The following PCDHA6 variants were observed in gnomAD, a reference collection of about 807,000 sequenced individuals.
The protein encoded by PCDHA6 is protocadherin alpha 6.
A neutral mutation model predicts 60.3 loss-of-function variants in PCDHA6; 55 were observed. The observed-to-expected ratio is 0.91, with a 90% CI of 0.73 to 1.14. The LOEUF (loss-of-function observed/expected upper bound fraction) is 1.14. PCDHA6 is among the 50% of genes most tolerant of loss of function. The pLI is 0.00. For synonymous variants in PCDHA6, 652 were observed against 557.9 expected, an observed-to-expected ratio of 1.17 and a Z score of -2.38; for missense variants, 1,327 against 1,256.5, an observed-to-expected ratio of 1.06 and a Z score of -0.85.
At chr5:140,877,696 T>C (rs1554169994) in intron 1 of PCDHA6, 1 of 1,613,838 alleles carries the variant, frequency 6.2e-7, no homozygotes, top group South Asian at 1.1e-5. Flanking sequence ...GCTGGTGTGC[T>C]CCAGCGCCGT....
intron 1 of PCDHA6, chr5:140,967,224 A>G (rs2096116008): frequency 6.2e-7 from 1 of 1,613,708 alleles, no homozygotes; most frequent in Non-Finnish European, 8.5e-7. Flanking sequence ...CGGCCCAACT[A>G]CCAGCTTCAG....
intron 1 of PCDHA6, among the ~76,000 whole-genome samples, chr5:140,886,261 T>C (rs1162814294): frequency 1.3e-5 from 2 of 152,036 alleles, no homozygotes; most frequent in African/African-American, 4.8e-5. Context: ...TCTCTATTTA[T>C]AGATAAAATT....
rs138948867 is a variant in PCDHA6, at chr5:140,849,674, C to A, written c.2394+19189C>A. 2.5e-6 allele frequency: 4 copies of A among 1,598,602 alleles called. 1 individual carries two copies. Among genetic ancestry groups the A allele is most frequent in the Non-Finnish European group, 3.4e-6 (4 of 1,168,020 alleles). ...TTACCTGCTCCCTGACGCCCCACGT[C>A]CCCTTCAAGCTGGTGTCCACCTACA... On this transcript the variant is annotated intron_variant, in intron 1 of 3. Coordinates refer to ENST00000529310, the MANE Select transcript of PCDHA6 (RefSeq NM_018909.4).
intron 1 of PCDHA6, chr5:140,853,614 A>G (rs1477333407): frequency 1.0e-6 from 1 of 988,026 alleles, no homozygotes; most frequent in Non-Finnish European, 1.2e-6. Flanking sequence ...GGGTGCTGTA[A>G]ATAAGTATAC....
chr5:140,836,538 A>G, intron 1 of PCDHA6: 1 of 1,613,734 alleles, frequency 6.2e-7, no homozygotes, highest in Non-Finnish European at 8.5e-7. Flanking sequence ...GCTGCTGTAC[A>G]CGGCGTTGCG....
At chr5:140,884,688 C>T in intron 1 of PCDHA6, 1 of 1,535,868 alleles carries the variant, frequency 6.5e-7, no homozygotes, top group Non-Finnish European at 8.8e-7. Context: ...AAAAAATTGT[C>T]TTAGTAAACA....
chr5:140,850,234 T>A lies in PCDHA6; in HGVS notation c.2394+19749T>A, dbSNP rs2150474836. The A allele has an allele frequency of 8.5e-5, 136 of 1,593,694 alleles. 18 individuals carry two copies. Among genetic ancestry groups the A allele is most frequent in the Non-Finnish European group, 1.1e-4 (134 of 1,167,462 alleles). Reference sequence around the variant, plus strand: ...GGCACTGACGGCGCAGTGAGCGAGATGGTGCTGCGGTCGGTGGGCGCCGGC... The same window carrying A: ...GGCACTGACGGCGCAGTGAGCGAGAAGGTGCTGCGGTCGGTGGGCGCCGGC... On this transcript the variant is annotated intron_variant, in intron 1 of 3. Coordinates refer to ENST00000529310, the MANE Select transcript of PCDHA6 (RefSeq NM_018909.4).
chr5:140,886,828 A>G (rs74967108), intron 1 of PCDHA6, among the ~76,000 whole-genome samples: 4 of 133,052 alleles, frequency 3.0e-5, no homozygotes, highest in Non-Finnish European at 6.5e-5. Flanking sequence ...CTTCGTCTTG[A>G]AAAAAAAAAA....
intron 1 of PCDHA6, among the ~76,000 whole-genome samples, chr5:140,955,031 A>C (rs782110698): frequency 6.6e-6 from 1 of 152,166 alleles, no homozygotes; most frequent in Non-Finnish European, 1.5e-5. Flanking sequence ...TAAATAGGGA[A>C]TCTTTTCCTC....
chr5:141,000,972 CT>C (rs2097980392), intron 3 of PCDHA6, among the ~76,000 whole-genome samples: 1 of 151,780 alleles, frequency 6.6e-6, no homozygotes, highest in Non-Finnish European at 1.5e-5. Context: ...CTTCATATTC[CT>C]TTTTTATAAA....
At chr5:140,944,197 T>C (rs1404957342) in intron 1 of PCDHA6, among the ~76,000 whole-genome samples, 2 of 152,120 alleles carry the variant, frequency 1.3e-5, no homozygotes, top group Non-Finnish European at 2.9e-5. Context: ...TTTTGTTTTG[T>C]TTTGTTTTTA....
intron 1 of PCDHA6, among the ~76,000 whole-genome samples, chr5:140,971,869 A>G (rs1277835883): frequency 1.3e-5 from 2 of 152,182 alleles, no homozygotes; most frequent in Non-Finnish European, 2.9e-5. Flanking sequence ...AACATCTAGC[A>G]TATGAGGAAA....
In PCDHA6 at chr5:140,976,256, AAC is replaced by A. The variant is rs372931931; in HGVS notation, c.2395-2689_2395-2688del. On this transcript the variant is annotated intron_variant, in intron 1 of 3. Transcript: ENST00000529310. Reference sequence around the variant, plus strand: ...TGTCATTTCATGTAAATTTATTTAAAACACAGACTTTTGGCAAGGCACAGTGG... The same window carrying A: ...TGTCATTTCATGTAAATTTATTTAAAACAGACTTTTGGCAAGGCACAGTGG... Among the ~76,000 whole-genome samples the A allele has an allele frequency of 3.2e-3, 487 of 152,352 alleles. 7 individuals carry two copies. Among genetic ancestry groups the A allele is most frequent in the Middle Eastern group, 0.01 (3 of 294 alleles).
chr5:140,843,633 C>T (rs1554140304), intron 1 of PCDHA6: 1 of 1,595,708 alleles, frequency 6.3e-7, no homozygotes, highest in Admixed American at 1.7e-5. Context: ...GACCTCATGG[C>T]CTTCAGCCCC....
chr5:140,941,310 C>T (rs1375547519), intron 1 of PCDHA6, among the ~76,000 whole-genome samples: 10 of 79,218 alleles, frequency 1.3e-4, no homozygotes, highest in Non-Finnish European at 1.8e-4. Flanking sequence ...CTTTCTTTTT[C>T]TTCTTTCTCT....
In PCDHA6 at chr5:140,941,202, C is replaced by CCCTTCTTTCTTTCTTTCTTT; in HGVS notation, c.2395-37746_2395-37745insCTTCTTTCTTTCTTTCTTTC. Among the ~76,000 whole-genome samples, 3 of 122,832 alleles carry CCCTTCTTTCTTTCTTTCTTT rather than the reference C, an allele frequency of 2.4e-5. No homozygotes were observed. The East Asian group carries it at 6.6e-4, about 27-fold the overall frequency. The allele number at this position is 122,832 out of a possible 152,430, so 80.6% of individuals were successfully genotyped here. A position where few individuals can be genotyped will look rare whatever the true frequency, so the allele number is the denominator to read the frequency against. On this transcript the variant is annotated intron_variant, in intron 1 of 3. Transcript: ENST00000529310. ...TCCTGCTTCTTTTTTTTTCTTTCTT[C>CCCTTCTTTCTTTCTTTCTTT]CTTTCTTTCTTCCTTTCTTTCTTTC...
At position 140,829,756 on chromosome 5, in the gene PCDHA6, G is replaced by T. The variant is rs1251312679; in HGVS notation, c.1665G>T (p.Val555=). The T allele has an allele frequency of 1.9e-5, 31 of 1,613,620 alleles. No individual in the cohort carries two copies. The highest frequency in any genetic ancestry group is 2.5e-5 in the Non-Finnish European group (29 of 1,179,884). Residue 555 remains valine, a synonymous_variant, in exon 1 of 4, where the codon GTG becomes GTT. Transcript: ENST00000529310. ...GCAACGTGACGCTGCAGGTGTTCGT[G>T]CTGGACGAGAACGACAACGCGCCGG... The part of the protein sequence containing the change: ...LGSNVTLQVF[V]LDENDNAPAL...
At chr5:140,994,081 G>A (rs147535219) in intron 3 of PCDHA6, among the ~76,000 whole-genome samples, 2 of 152,260 alleles carry the variant, frequency 1.3e-5, no homozygotes, top group Admixed American at 6.5e-5. Flanking sequence ...AGGGAGAAAT[G>A]TAAAGAAATA....
rs1202815393 is a variant in PCDHA6, at chr5:140,829,373, C to T, written c.1282C>T (p.Arg428Trp). ...GGCCTATGAGTTGGTGGTAACCGCG[C>T]GGGACGGGGGCTCGCCTTCGCTGTG... ...VSAYELVVTA[R>W]DGGSPSLWAT... Residue 428 changes from arginine (R) to tryptophan (W), a missense_variant, in exon 1 of 4, where the codon CGG becomes TGG. Arg to Trp is a moderately radical substitution (Grantham distance 101, BLOSUM62 -3). Transcript: ENST00000529310. 1.9e-6 allele frequency: 3 copies of T among 1,614,082 alleles called. No individual in the cohort carries two copies. The highest frequency in any genetic ancestry group is 1.1e-5 in the South Asian group (1 of 91,094).
Sources: gnomAD v4.1 joint callset for allele counts (sites outside exome capture counted in the v4.1 genomes callset) on GRCh38, gnomAD v4.1.1 for gene constraint, MANE v1.5 for transcripts, NCBI Gene and HGNC (gene_info 2026-07-23, HGNC 2026-07-21) for gene names.